The following NEDD4L variants were observed in gnomAD, a reference collection of about 807,000 sequenced individuals.
NEDD4L encodes the protein NEDD4 like E3 ubiquitin protein ligase, also known as E3 ubiquitin-protein ligase NEDD4-like.
Under a neutral mutation model 148.9 loss-of-function variants are expected in NEDD4L, and 54 were observed. The observed-to-expected ratio is 0.36, with a 90% CI of 0.29 to 0.45. The LOEUF is 0.45. NEDD4L is among the 20% of genes least tolerant of loss of function. The pLI, the probability that NEDD4L is intolerant of heterozygous loss-of-function variation, is 1.00. For synonymous variants in NEDD4L, 433 were observed against 440.7 expected (o/e 0.98, Z 0.22); for missense variants, 856 against 1,233.8 (o/e 0.69, Z 4.59).
At chr18:58,325,235 G>A in intron 9 of NEDD4L, 73 bp downstream of exon 9, 3 of 1,552,644 alleles carry the variant, frequency 1.9e-6, no homozygotes. Flanking sequence ...GCGGCCCTTT[G>A]GGACAAGGCT....
chr18:58,135,797 G>A (rs2032775861), intron 1 of NEDD4L, among the ~76,000 whole-genome samples: 1 of 152,220 alleles, frequency 6.6e-6, no homozygotes, highest in Admixed American at 6.5e-5. Context: ...TGTCATGGGA[G>A]GAAAGTCACA....
intron 2 of NEDD4L, among the ~76,000 whole-genome samples, chr18:58,243,676 C>T (rs2046912450): frequency 6.6e-6 from 1 of 152,166 alleles, no homozygotes; most frequent in Non-Finnish European, 1.5e-5. Context: ...GAGCTTTGAC[C>T]TGGGCTAGGT....
chr18:58,330,738 C>T lies in NEDD4L; in HGVS notation c.814C>T (p.Pro272Ser), dbSNP rs757981794. Reference sequence around the variant, plus strand: ...ACCCCAGTGTCTCCTTCTCTGAAAGCCTTGGGAGACCATTTCAGAGGAAGT... The same window carrying T: ...ACCCCAGTGTCTCCTTCTCTGAAAGTCTTGGGAGACCATTTCAGAGGAAGT... ...EPSEGGDVPE[P>S]WETISEEVNI... The change falls in exon 11 of 31, where the codon CCT (proline) becomes TCT (serine). Residue 272 changes from proline (P) to serine (S), a missense_variant and splice_region_variant. This residue lies in a region of NEDD4L where 367 missense variants were observed against 422.7 expected (regional missense o/e 0.87). Transcript: ENST00000400345. 3 of 1,586,428 alleles carry T rather than the reference C, an allele frequency of 1.9e-6. No individual in the cohort carries two copies. The highest frequency in any genetic ancestry group is 2.6e-6 in the Non-Finnish European group (3 of 1,164,052).
In NEDD4L at chr18:58,314,712, A is replaced by T. The variant is rs542255445; in HGVS notation, c.298-1270A>T. 7.9e-5 allele frequency: 12 copies of T among 152,320 alleles called. No individual in the cohort carries two copies. The East Asian group carries it at 2.3e-3, about 29-fold the overall frequency. The allele number at this position is 152,320 out of a possible 1,614,324, so 9.4% of individuals were successfully genotyped here. A position where few individuals can be genotyped will look rare whatever the true frequency, so the allele number is the denominator to read the frequency against. On this transcript the variant is annotated intron_variant, in intron 5 of 30. Transcript: ENST00000400345. ...AAGAAATGAAAATCTCATCAAAAGG[A>T]TTGGGGCTAGTCTCATTCTTCATGC...
intron 1 of NEDD4L, among the ~76,000 whole-genome samples, chr18:58,076,316 T>G (rs927571027): frequency 2.0e-5 from 3 of 152,208 alleles, no homozygotes; most frequent in African/African-American, 7.2e-5. Flanking sequence ...GAGCAAACCC[T>G]TGATTCCATT....
intron 1 of NEDD4L, among the ~76,000 whole-genome samples, chr18:58,123,683 T>G (rs918182996): frequency 2.0e-5 from 3 of 152,216 alleles, no homozygotes; most frequent in African/African-American, 7.2e-5. Flanking sequence ...GAGAAAACTC[T>G]TTCATACCTT....
At chr18:58,122,466 C>T (rs892684575) in intron 1 of NEDD4L, among the ~76,000 whole-genome samples, 2 of 152,096 alleles carry the variant, frequency 1.3e-5, no homozygotes, top group African/African-American at 2.4e-5. Context: ...CATTGCACTC[C>T]AGCCTGGGCA....
At chr18:58,075,639 T>C (rs1006690281) in intron 1 of NEDD4L, among the ~76,000 whole-genome samples, 7 of 152,170 alleles carry the variant, frequency 4.6e-5, no homozygotes, top group African/African-American at 1.7e-4. Context: ...AGAGTATTTT[T>C]TTCAGGCTGG....
At chr18:58,143,670 A>G (rs111611666) in intron 1 of NEDD4L, among the ~76,000 whole-genome samples, 32 of 152,318 alleles carry the variant, frequency 2.1e-4, no homozygotes, top group African/African-American at 4.8e-4. Flanking sequence ...CCATGTCCCC[A>G]GAGAGGCCGT....
At chr18:58,198,576 T>C (rs2147346199) in intron 2 of NEDD4L, among the ~76,000 whole-genome samples, 1 of 152,276 alleles carries the variant, frequency 6.6e-6, no homozygotes, top group African/African-American at 2.4e-5. Flanking sequence ...GGGTTATCTG[T>C]CTTGGCCTCT....
chr18:58,145,409 G>C (rs1208480720), intron 1 of NEDD4L, among the ~76,000 whole-genome samples: 1 of 152,188 alleles, frequency 6.6e-6, no homozygotes, highest in Non-Finnish European at 1.5e-5. Flanking sequence ...TTCCTTGCTT[G>C]ATAGATACAG....
intron 22 of NEDD4L, among the ~76,000 whole-genome samples, chr18:58,369,730 C>A (rs2046592680): frequency 6.6e-6 from 1 of 152,150 alleles, no homozygotes; most frequent in African/African-American, 2.4e-5. Flanking sequence ...GCCTTTGGAT[C>A]AGGTGAAATG....
chr18:58,185,831 C>T (rs1313601280), intron 2 of NEDD4L, among the ~76,000 whole-genome samples: 3 of 151,978 alleles, frequency 2.0e-5, no homozygotes, highest in Non-Finnish European at 4.4e-5. Flanking sequence ...CAAGATCGCG[C>T]CATTGCACTC....
intron 2 of NEDD4L, among the ~76,000 whole-genome samples, chr18:58,183,983 C>T (rs780023048): frequency 8.5e-4 from 129 of 152,266 alleles, no homozygotes; most frequent in Non-Finnish European, 1.4e-3. Context: ...TCCTGGCTAA[C>T]ATGGTGAAAC....
At chr18:58,375,706 A>G (rs1192023601) in intron 24 of NEDD4L, among the ~76,000 whole-genome samples, 7 of 152,020 alleles carry the variant, frequency 4.6e-5, no homozygotes. Flanking sequence ...ATGCCCCCTG[A>G]GGTCTTCTGG....
intron 1 of NEDD4L, among the ~76,000 whole-genome samples, chr18:58,139,746 A>G (rs1284341587): frequency 6.6e-6 from 1 of 152,178 alleles, no homozygotes; most frequent in African/African-American, 2.4e-5. Flanking sequence ...ACTTCGAATC[A>G]GCTGTGTTCA....
intron 1 of NEDD4L, among the ~76,000 whole-genome samples, chr18:58,059,345 C>T (rs2082223855): frequency 6.6e-6 from 1 of 152,198 alleles, no homozygotes; most frequent in South Asian, 2.1e-4. Flanking sequence ...CAAATGTGTT[C>T]CACGGAAGAA....
rs1211326521 is a variant in NEDD4L, at chr18:58,366,345, T to G, written c.2063+117T>G. 2 of 695,060 alleles carry G rather than the reference T, an allele frequency of 2.9e-6. No homozygotes were observed. Among genetic ancestry groups the G allele is most frequent in the Non-Finnish European group, 4.7e-6 (2 of 429,742 alleles). The allele number at this position is 695,060 out of a possible 1,614,324, so 43.1% of individuals were successfully genotyped here. A position where few individuals can be genotyped will look rare whatever the true frequency, so the allele number is the denominator to read the frequency against. On this transcript the variant is annotated intron_variant, in intron 21 of 30. Transcript: ENST00000400345. The surrounding 1 kb of genome is among the most constrained non-coding windows in gnomAD (Gnocchi z 4.2). ...AGATGCATTAACTCTGCTGAGTTTG[T>G]TCTCTCCTCACCCCACAGCCCCTTG...
At chr18:58,082,217 C>T (rs1174192226) in intron 1 of NEDD4L, among the ~76,000 whole-genome samples, 4 of 146,668 alleles carry the variant, frequency 2.7e-5, no homozygotes, top group Non-Finnish European at 6.0e-5. Flanking sequence ...AAGCAATTCT[C>T]CTGCCTCAGC....
Sources: gnomAD v4.1 joint callset for allele counts (sites outside exome capture counted in the v4.1 genomes callset) on GRCh38, gnomAD v4.1.1 for gene constraint, gnomAD v4.1.1 regional missense constraint, Gnocchi (gnomAD v3.1) non-coding constraint, MANE v1.5 for transcripts, NCBI Gene and HGNC (gene_info 2026-07-23, HGNC 2026-07-21) for gene names.